DLG2: variants seen among roughly 807,000 people sequenced by gnomAD.
The protein encoded by DLG2 is disks large homolog 2.
In DLG2, 45 loss-of-function variants were observed where a neutral mutation model predicts 132.5. That is an observed-to-expected ratio of 0.34 (90% CI 0.27 to 0.44). DLG2 has a LOEUF of 0.44. Among genes scored for constraint, DLG2 ranks in the 20% least tolerant of loss-of-function variants. DLG2 has a pLI of 1.00. For synonymous variants in DLG2, 424 were observed against 419.6 expected (o/e 1.01, Z -0.13); for missense variants, 1,045 against 1,196.9 (o/e 0.87, Z 1.87).
chr11:84,495,708 C>G (rs2099180899), intron 7 of DLG2, among the ~76,000 whole-genome samples: 1 of 152,166 alleles, frequency 6.6e-6, no homozygotes, highest in Admixed American at 6.6e-5. Context: ...TGCATTAACA[C>G]TAACCATATG....
chr11:83,608,635 G>C (rs1488436014), intron 19 of DLG2, among the ~76,000 whole-genome samples: 2 of 151,978 alleles, frequency 1.3e-5, no homozygotes, highest in Admixed American at 6.6e-5. Context: ...CTATTGAAAA[G>C]TTGAAAAATC....
At chr11:84,173,889 C>T (rs959380014) in intron 8 of DLG2, among the ~76,000 whole-genome samples, 1 of 152,070 alleles carries the variant, frequency 6.6e-6, no homozygotes, top group Admixed American at 6.6e-5. Context: ...TGCTAGTCTC[C>T]TCCCTACTGC....
chr11:84,939,936 T>C (rs1192932731), intron 6 of DLG2, among the ~76,000 whole-genome samples: 2 of 152,198 alleles, frequency 1.3e-5, no homozygotes, highest in Non-Finnish European at 2.9e-5. Context: ...TTTGGGTATA[T>C]ACCTATCAGT....
At chr11:84,117,924 C>T (rs561038682) in intron 9 of DLG2, among the ~76,000 whole-genome samples, 6 of 152,184 alleles carry the variant, frequency 3.9e-5, no homozygotes, top group South Asian at 4.2e-4. Flanking sequence ...GGTGCGATCT[C>T]GGCTCACTGT....
chr11:85,506,470 T>C (rs1465743034), intron 3 of DLG2, among the ~76,000 whole-genome samples: 1 of 152,250 alleles, frequency 6.6e-6, no homozygotes, highest in Non-Finnish European at 1.5e-5. Context: ...TATTTCATTA[T>C]GTACCCAGTA....
intron 3 of DLG2, among the ~76,000 whole-genome samples, chr11:85,339,879 C>T (rs1596353428): frequency 1.3e-5 from 2 of 152,138 alleles, no homozygotes; most frequent in African/African-American, 4.8e-5. Flanking sequence ...CCAACAGACA[C>T]ATGAAAAAAT....
intron 18 of DLG2, among the ~76,000 whole-genome samples, chr11:83,753,858 ATATATT>A (rs201083487): frequency 0.15 from 1,195 of 7,726 alleles, 129 homozygotes; most frequent in African/African-American, 0.44. Context: ...TATATCATAT[ATATATT>A]TCATATATAT....
intron 4 of DLG2, among the ~76,000 whole-genome samples, chr11:85,190,166 T>A (rs1595213819): frequency 6.6e-6 from 1 of 152,176 alleles, no homozygotes; most frequent in African/African-American, 2.4e-5. Context: ...ACAAAAAGAA[T>A]TGAGTTGATT....
intron 17 of DLG2, among the ~76,000 whole-genome samples, chr11:83,820,732 G>A (rs1044457690): frequency 2.6e-5 from 4 of 152,080 alleles, no homozygotes; most frequent in East Asian, 3.8e-4. Context: ...AGTGAGCCCC[G>A]ACATTTGAAA....
chr11:85,079,021 T>C (rs892728222), intron 6 of DLG2, among the ~76,000 whole-genome samples: 2 of 126,008 alleles, frequency 1.6e-5, no homozygotes, highest in African/African-American at 5.7e-5. Flanking sequence ...TTATGTGTTT[T>C]AGGGGGGGGG....
At chr11:84,541,705 A>T (rs1236648911) in intron 6 of DLG2, among the ~76,000 whole-genome samples, 2 of 152,168 alleles carry the variant, frequency 1.3e-5, no homozygotes, top group African/African-American at 2.4e-5. Context: ...AGTTTAACTG[A>T]ATTAAACTGT....
chr11:85,501,353 G>T (rs2153128553), intron 3 of DLG2, among the ~76,000 whole-genome samples: 1 of 152,252 alleles, frequency 6.6e-6, no homozygotes, highest in Middle Eastern at 3.4e-3. Flanking sequence ...CAGGACATAG[G>T]CATGGGCAAA....
At chr11:84,619,739 A>C (rs942482360) in intron 6 of DLG2, among the ~76,000 whole-genome samples, 1 of 151,750 alleles carries the variant, frequency 6.6e-6, no homozygotes, top group Non-Finnish European at 1.5e-5. Flanking sequence ...AAGTTTTTCA[A>C]AATTAATGCT....
chr11:85,183,855 A>G lies in DLG2; in HGVS notation c.187-29204T>C, dbSNP rs188028608. On this transcript the variant is annotated intron_variant, in intron 4 of 27. Transcript: ENST00000376104. ...TCTCACTCTTTCTCACTGACCCTCAATGGAAGGAAAAAATAAAAAAGGAGG... is the reference window on the plus strand; with the variant it reads ...TCTCACTCTTTCTCACTGACCCTCAGTGGAAGGAAAAAATAAAAAAGGAGG... Among the ~76,000 whole-genome samples the G allele has an allele frequency of 1.9e-3, 293 of 152,084 alleles. 1 individual carries two copies. Among genetic ancestry groups the G allele is most frequent in the African/African-American group, 6.8e-3 (283 of 41,554 alleles).
At chr11:84,836,512 T>A (rs1454689047) in intron 6 of DLG2, among the ~76,000 whole-genome samples, 1 of 151,770 alleles carries the variant, frequency 6.6e-6, no homozygotes, top group African/African-American at 2.4e-5. Flanking sequence ...TCAAAGCCCT[T>A]GTCTTTTTAT....
In DLG2 at chr11:83,785,201, C is replaced by G. The variant is rs1346670955; in HGVS notation, c.1825+1489G>C. Among the ~76,000 whole-genome samples the G allele has an allele frequency of 2.0e-5, 3 of 152,084 alleles. No individual in the cohort carries two copies. The East Asian group carries it at 5.8e-4, about 29-fold the overall frequency. ...TCCTGAGTAGCTGGGACTACAGGTG[C>G]CAGCTACCACATCTGGCTATTTTTT... On this transcript the variant is annotated intron_variant, in intron 18 of 27. Coordinates refer to ENST00000376104, the MANE Select transcript of DLG2 (RefSeq NM_001142699.3).
chr11:83,825,171 A>ATTTTTTTTTT (rs10566177), intron 17 of DLG2, among the ~76,000 whole-genome samples: 1 of 72,608 alleles, frequency 1.4e-5, no homozygotes, highest in African/African-American at 5.0e-5. Context: ...ATATATATAT[A>ATTTTTTTTTT]TTTTTTTTTT....
intron 7 of DLG2, among the ~76,000 whole-genome samples, chr11:84,427,215 G>A (rs941930422): frequency 2.6e-5 from 4 of 151,938 alleles, no homozygotes; most frequent in Non-Finnish European, 5.9e-5. Flanking sequence ...TGAATGGTAG[G>A]AAGAAAGGAA....
chr11:83,684,576 G>A (rs2079403878), intron 18 of DLG2: 1 of 152,132 alleles, frequency 6.6e-6, no homozygotes, highest in African/African-American at 2.4e-5. Flanking sequence ...GTAAGGGGTG[G>A]AGTAAGACAT....
Sources: allele counts gnomAD v4.1 joint callset (sites outside exome capture counted in the v4.1 genomes callset), GRCh38; gene constraint gnomAD v4.1.1; transcripts MANE v1.5; gene names NCBI Gene and HGNC (gene_info 2026-07-23, HGNC 2026-07-21).